The following PTPRD variants were observed in gnomAD, a reference collection of about 807,000 sequenced individuals.
The protein encoded by PTPRD is receptor-type tyrosine-protein phosphatase delta.
A neutral mutation model predicts 214.5 loss-of-function variants in PTPRD; 34 were observed. The ratio of observed to expected loss-of-function variants is 0.16; its 90% CI spans 0.12 to 0.21. The LOEUF is 0.21. Among genes scored for constraint, PTPRD ranks in the 10% least tolerant of loss-of-function variants. The pLI is 1.00. For missense variants in PTPRD, 2,545 were observed against 2,398.7 expected, an observed-to-expected ratio of 1.06 and a Z score of -1.27; for synonymous variants, 1,128 against 845.7, an observed-to-expected ratio of 1.33 and a Z score of -5.79.
chr9:9,193,164 T>A (rs1180587476), intron 9 of PTPRD, among the ~76,000 whole-genome samples: 1 of 152,144 alleles, frequency 6.6e-6, no homozygotes, highest in Non-Finnish European at 1.5e-5. Context: ...ATATTTTATA[T>A]TTTTATTTCT....
chr9:9,612,127 T>C (rs1408199805), intron 7 of PTPRD, among the ~76,000 whole-genome samples: 1 of 152,172 alleles, frequency 6.6e-6, no homozygotes, highest in African/African-American at 2.4e-5. Flanking sequence ...TAGAAAATTG[T>C]GTAATAAAAT....
intron 10 of PTPRD, among the ~76,000 whole-genome samples, chr9:9,155,260 A>T (rs112905140): frequency 2.5e-3 from 377 of 152,292 alleles, no homozygotes; most frequent in African/African-American, 8.6e-3. Context: ...AATTAAAATT[A>T]TGTGTTCCTG....
chr9:8,318,772 A>T (rs1267489906), intron 45 of PTPRD, among the ~76,000 whole-genome samples: 1 of 152,110 alleles, frequency 6.6e-6, no homozygotes, highest in African/African-American at 2.4e-5. Flanking sequence ...ACAACGAAGA[A>T]CACTATCATA....
intron 9 of PTPRD, among the ~76,000 whole-genome samples, chr9:9,193,156 A>G (rs1456910672): frequency 6.6e-6 from 1 of 152,122 alleles, no homozygotes. Context: ...CATTTTAAAT[A>G]TTTTATATTT....
intron 4 of PTPRD, among the ~76,000 whole-genome samples, chr9:10,029,247 G>A (rs999625217): frequency 6.6e-6 from 1 of 152,198 alleles, no homozygotes; most frequent in Non-Finnish European, 1.5e-5. Flanking sequence ...GAGAACCTCT[G>A]CTAGGGCAGT....
At chr9:10,335,824 C>A (rs558494345) in intron 3 of PTPRD, among the ~76,000 whole-genome samples, 1 of 151,676 alleles carries the variant, frequency 6.6e-6, no homozygotes, top group South Asian at 2.1e-4. Flanking sequence ...ATACACACGG[C>A]AAATAAGCAT....
At chr9:9,845,368 C>T (rs1287889665) in intron 5 of PTPRD, among the ~76,000 whole-genome samples, 14 of 151,610 alleles carry the variant, frequency 9.2e-5, no homozygotes, top group Non-Finnish European at 1.5e-5. Flanking sequence ...AAGACTTTGG[C>T]AGTGTCCATA....
chr9:9,956,107 A>T (rs1191457823), intron 4 of PTPRD, among the ~76,000 whole-genome samples: 2 of 152,156 alleles, frequency 1.3e-5, no homozygotes, highest in African/African-American at 4.8e-5. Flanking sequence ...CATATTTTAG[A>T]AATGTCCAAT....
intron 9 of PTPRD, among the ~76,000 whole-genome samples, chr9:9,357,073 A>G (rs2054088316): frequency 6.6e-6 from 1 of 151,308 alleles, no homozygotes; most frequent in Admixed American, 6.6e-5. Flanking sequence ...CCGTCAGTAG[A>G]CTTTAATTCT....
chr9:10,506,113 T>C (rs1170619478), intron 2 of PTPRD, among the ~76,000 whole-genome samples: 1 of 152,150 alleles, frequency 6.6e-6, no homozygotes, highest in East Asian at 1.9e-4. Flanking sequence ...TTCTAATACA[T>C]ATTTCATAGA....
chr9:10,317,110 C>T (rs1358896133), intron 3 of PTPRD, among the ~76,000 whole-genome samples: 1 of 151,856 alleles, frequency 6.6e-6, no homozygotes, highest in Non-Finnish European at 1.5e-5. Flanking sequence ...GTGACACTGG[C>T]TATTGAGCCT....
At chr9:9,735,179 G>C (rs2098271482) in intron 6 of PTPRD, among the ~76,000 whole-genome samples, 1 of 152,074 alleles carries the variant, frequency 6.6e-6, no homozygotes, top group African/African-American at 2.4e-5. Flanking sequence ...ATTCCCAAGA[G>C]GAGACCCAGC....
intron 2 of PTPRD, among the ~76,000 whole-genome samples, chr9:10,447,246 T>G (rs1566093989): frequency 6.6e-6 from 1 of 151,948 alleles, no homozygotes; most frequent in Non-Finnish European, 1.5e-5. Flanking sequence ...TCAGCTAATT[T>G]TGTAGTCTAC....
chr9:9,035,554 C>T (rs1590203936), intron 10 of PTPRD, among the ~76,000 whole-genome samples: 4 of 151,288 alleles, frequency 2.6e-5, no homozygotes. Flanking sequence ...GTTCCCCCCA[C>T]CCCAACCCCA....
At chr9:9,975,608 C>T (rs951053360) in intron 4 of PTPRD, among the ~76,000 whole-genome samples, 4 of 152,136 alleles carry the variant, frequency 2.6e-5, no homozygotes, top group Admixed American at 2.6e-4. Flanking sequence ...ATGTAACTCC[C>T]ACATGCATTA....
chr9:10,029,016 C>T lies in PTPRD; in HGVS notation c.-472+4702G>A, dbSNP rs745513326. ...GCCTAGGGACTTGGTGCCCTGTGTCCCAGCTGCTCCAGTTGTGGCTGAAAG... is the reference window on the plus strand; with the variant it reads ...GCCTAGGGACTTGGTGCCCTGTGTCTCAGCTGCTCCAGTTGTGGCTGAAAG... On this transcript the variant is annotated intron_variant, in intron 4 of 45. Transcript: ENST00000381196. 4.6e-4 allele frequency among the ~76,000 whole-genome samples: 70 copies of T among 152,086 alleles called. 1 individual carries two copies. Among genetic ancestry groups the T allele is most frequent in the Admixed American group, 3.3e-4 (5 of 15,272 alleles).
At chr9:8,696,248 C>A (rs1242959270) in intron 12 of PTPRD, among the ~76,000 whole-genome samples, 1 of 152,106 alleles carries the variant, frequency 6.6e-6, no homozygotes, top group East Asian at 1.9e-4. Context: ...TGCTTTCCAA[C>A]AGATTTTCTG....
At chr9:9,927,810 A>G (rs1047147823) in intron 5 of PTPRD, among the ~76,000 whole-genome samples, 5 of 152,026 alleles carry the variant, frequency 3.3e-5, no homozygotes, top group African/African-American at 1.2e-4. Flanking sequence ...AGTCAATTTC[A>G]TTCTTCTAGC....
intron 35 of PTPRD, among the ~76,000 whole-genome samples, chr9:8,406,921 T>C (rs1005832619): frequency 6.6e-6 from 1 of 152,200 alleles, no homozygotes; most frequent in Non-Finnish European, 1.5e-5. Context: ...AGCTCACTGG[T>C]ATACGTACAG....
Sources: gnomAD v4.1 joint callset for allele counts (sites outside exome capture counted in the v4.1 genomes callset) on GRCh38, gnomAD v4.1.1 for gene constraint, MANE v1.5 for transcripts, NCBI Gene and HGNC (gene_info 2026-07-23, HGNC 2026-07-21) for gene names.